Variants in ZSWIM6 observed in about 807,000 individuals in gnomAD.
ZSWIM6 encodes zinc finger SWIM domain-containing protein 6.
In ZSWIM6, 9 loss-of-function variants were observed where a neutral mutation model predicts 113.2. The observed-to-expected ratio is 0.08, with a 90% CI of 0.05 to 0.14. The LOEUF is 0.14. Ranked by LOEUF, ZSWIM6 falls within the 10% of genes least tolerant of loss-of-function variation. The pLI is 1.00. For synonymous variants in ZSWIM6, 611 were observed against 606.5 expected (o/e 1.01, Z -0.11); for missense variants, 1,162 against 1,552.2 (o/e 0.75, Z 4.22).
At chr5:61,486,319 T>C (rs1309375896) in intron 2 of ZSWIM6, among the ~76,000 whole-genome samples, 1 of 152,198 alleles carries the variant, frequency 6.6e-6, no homozygotes, top group African/African-American at 2.4e-5. Context: ...TAGTATTTCA[T>C]TGTGTATCTG....
intron 1 of ZSWIM6, among the ~76,000 whole-genome samples, chr5:61,431,471 C>T (rs767683001): frequency 1.3e-5 from 2 of 149,936 alleles, no homozygotes; most frequent in African/African-American, 2.5e-5. Context: ...ACTGGCTGGG[C>T]GCAGTAGCTC....
chr5:61,524,904 A>G (rs1749237331), intron 5 of ZSWIM6, among the ~76,000 whole-genome samples: 1 of 152,230 alleles, frequency 6.6e-6, no homozygotes, highest in Non-Finnish European at 1.5e-5. Context: ...TGGGAACCCA[A>G]GGGGTGGGTG....
intron 1 of ZSWIM6, among the ~76,000 whole-genome samples, chr5:61,346,948 A>T (rs540619201): frequency 1.1e-4 from 16 of 152,352 alleles, no homozygotes; most frequent in East Asian, 7.7e-4. Context: ...TGAATTTTTT[A>T]AAAAAGTACA....
At chr5:61,363,453 A>G (rs1310898881) in intron 1 of ZSWIM6, among the ~76,000 whole-genome samples, 3 of 152,214 alleles carry the variant, frequency 2.0e-5, no homozygotes, top group Admixed American at 1.3e-4. Flanking sequence ...TGCTGAGTTC[A>G]CAAAAGGCTG....
At chr5:61,404,239 TG>T (rs1222523358) in intron 1 of ZSWIM6, among the ~76,000 whole-genome samples, 1 of 152,198 alleles carries the variant, frequency 6.6e-6, no homozygotes, top group Non-Finnish European at 1.5e-5. Flanking sequence ...AAGTATTTTT[TG>T]TACCACCGGA....
Position 61,464,158 on chromosome 5 carries a change from ATTTTTTTTTT to A in ZSWIM6, c.677-8499_677-8490del, listed in dbSNP as rs869288331. On this transcript the variant is annotated intron_variant, in intron 1 of 13. Transcript: ENST00000252744. ...AGGTGCATGCCAACACACCCGGCTA[ATTTTTTTTTT>A]TTTTTTTTTTTTTTTTTTTTTTTGC... Among the ~76,000 whole-genome samples the A allele has an allele frequency of 2.9e-3, 126 of 43,520 alleles. 2 individuals carry two copies. In the East Asian group the frequency reaches 0.045, roughly 15 times the overall value. 28.6% of individuals were successfully genotyped at this position (43,520 alleles called of 152,430 possible).
At chr5:61,442,839 A>G in intron 1 of ZSWIM6, among the ~76,000 whole-genome samples, 1 of 152,342 alleles carries the variant, frequency 6.6e-6, no homozygotes, top group East Asian at 1.9e-4. Flanking sequence ...TGTGCCTTAA[A>G]TTCTATTTAT....
At chr5:61,531,817 ATATGGTAGTTAT>A (rs1749443008) in intron 9 of ZSWIM6, 92 bp downstream of exon 9, 18 of 1,383,922 alleles carry the variant, frequency 1.3e-5, no homozygotes, top group African/African-American at 2.9e-5. Context: ...AATGCATTTA[ATATGGTAGTTAT>A]CCTGATTGCT....
chr5:61,383,469 A>G (rs565919454), intron 1 of ZSWIM6, among the ~76,000 whole-genome samples: 2 of 152,322 alleles, frequency 1.3e-5, no homozygotes, highest in South Asian at 4.1e-4. Flanking sequence ...AGACCAGGAA[A>G]GGTTGATAAA....
chr5:61,358,412 A>C (rs1744964802), intron 1 of ZSWIM6, among the ~76,000 whole-genome samples: 1 of 152,186 alleles, frequency 6.6e-6, no homozygotes, highest in Non-Finnish European at 1.5e-5. Flanking sequence ...ATTTATAAGA[A>C]ATGGAAGCCT....
At chr5:61,333,051 G>T (rs1013561377) in intron 1 of ZSWIM6, 103 bp downstream of exon 1, 59 of 1,036,980 alleles carry the variant, frequency 5.7e-5, no homozygotes, top group Non-Finnish European at 6.8e-5. Context: ...TTCCGCGCGC[G>T]CCCGCACCCC....
rs543678769 is a variant in ZSWIM6, at chr5:61,365,827, G to A, written c.676+32879G>A. ...GTCAGACCACCATATTTGGCAGTAA[G>A]TTTGGTAAATGTGTCTAAAATGGGC... On this transcript the variant is annotated intron_variant, in intron 1 of 13. Transcript: ENST00000252744. Among the ~76,000 whole-genome samples, 5 of 152,322 alleles carry A rather than the reference G, an allele frequency of 3.3e-5. No homozygotes were observed. In the South Asian group the frequency reaches 1.0e-3, roughly 32 times the overall value.
chr5:61,450,767 A>T (rs899312038), intron 1 of ZSWIM6, among the ~76,000 whole-genome samples: 1 of 152,220 alleles, frequency 6.6e-6, no homozygotes, highest in African/African-American at 2.4e-5. Flanking sequence ...ACAATGATTT[A>T]TGAAGGTAAA....
At chr5:61,350,367 A>G (rs950625207) in intron 1 of ZSWIM6, among the ~76,000 whole-genome samples, 3 of 152,130 alleles carry the variant, frequency 2.0e-5, no homozygotes, top group Admixed American at 2.0e-4. Flanking sequence ...GGGAGAGAGT[A>G]AGAGAGGGAA....
chr5:61,472,419 G>A lies in ZSWIM6; in HGVS notation c.677-262G>A, dbSNP rs1236733586. ...CTAACCACTTCCTATAGGTATGATG[G>A]TGTTGTATGGCAATATATGTTTTCA... is the stretch of plus-strand genomic sequence containing the variant. On this transcript the variant is annotated intron_variant, in intron 1 of 13. Coordinates refer to ENST00000252744, the MANE Select transcript of ZSWIM6 (RefSeq NM_020928.2). This position sits in a 1 kb window ranked among gnomAD's most constrained non-coding sequence, Gnocchi z 4.1. Among the ~76,000 whole-genome samples the A allele has an allele frequency of 6.6e-6, 1 of 152,162 alleles. No individual in the cohort carries two copies. Among genetic ancestry groups the A allele is most frequent in the Non-Finnish European group, 1.5e-5 (1 of 68,034 alleles).
chr5:61,388,235 A>G (rs1282528785), intron 1 of ZSWIM6, among the ~76,000 whole-genome samples: 1 of 152,118 alleles, frequency 6.6e-6, no homozygotes, highest in East Asian at 2.0e-4. Flanking sequence ...CACCCACCTC[A>G]GCCTCACAAA....
At chr5:61,361,438 C>T (rs1008876167) in intron 1 of ZSWIM6, among the ~76,000 whole-genome samples, 7 of 152,166 alleles carry the variant, frequency 4.6e-5, no homozygotes, top group African/African-American at 1.7e-4. Flanking sequence ...TCAGTATCAT[C>T]CTCCTGATTC....
At chr5:61,365,061 C>G (rs1398732631) in intron 1 of ZSWIM6, among the ~76,000 whole-genome samples, 1 of 152,070 alleles carries the variant, frequency 6.6e-6, no homozygotes, top group East Asian at 1.9e-4. Context: ...TGAAATGTGA[C>G]ACATGCCAGG....
chr5:61,373,837 G>A (rs1745316581), intron 1 of ZSWIM6, among the ~76,000 whole-genome samples: 1 of 151,894 alleles, frequency 6.6e-6, no homozygotes, highest in African/African-American at 2.4e-5. Flanking sequence ...AAGATTTTTA[G>A]CATTAAAATT....
Sources: gnomAD v4.1 joint callset for allele counts (sites outside exome capture counted in the v4.1 genomes callset) on GRCh38, gnomAD v4.1.1 for gene constraint, Gnocchi (gnomAD v3.1) non-coding constraint, MANE v1.5 for transcripts, NCBI Gene and HGNC (gene_info 2026-07-23, HGNC 2026-07-21) for gene names.